NLK: variants seen among roughly 807,000 people sequenced by gnomAD.
NLK encodes the protein serine/threonine-protein kinase NLK.
In NLK, 11 loss-of-function variants were observed where a neutral mutation model predicts 59.0. That is an observed-to-expected ratio of 0.19 (90% confidence interval 0.12 to 0.31). The LOEUF is 0.31. Ranked by LOEUF, NLK falls within the 10% of genes least tolerant of loss-of-function variation. NLK has a pLI of 1.00. For synonymous variants in NLK, 235 were observed against 235.9 expected (o/e 1.00, Z 0.03); for missense variants, 410 against 661.1 (o/e 0.62, Z 4.16).
chr17:28,122,539 A>C, intron 1 of NLK, 64 bp from the exon 2 acceptor site: 1 of 1,562,724 alleles, frequency 6.4e-7, no homozygotes, highest in Non-Finnish European at 8.8e-7. Flanking sequence ...AAACATTGGA[A>C]AACAAGGTGT....
chr17:28,096,345 T>C (rs1418706193), intron 1 of NLK, among the ~76,000 whole-genome samples: 1 of 152,166 alleles, frequency 6.6e-6, no homozygotes, highest in African/African-American at 2.4e-5. Flanking sequence ...TAGTTTACCA[T>C]AGTTAAGCCA....
At chr17:28,103,275 C>CA (rs1182786167) in intron 1 of NLK, among the ~76,000 whole-genome samples, 1 of 152,078 alleles carries the variant, frequency 6.6e-6, no homozygotes, top group Non-Finnish European at 1.5e-5. Flanking sequence ...TTCCATAAGC[C>CA]AGCCACCATT....
At chr17:28,136,559 T>TG (rs1906754542) in intron 3 of NLK, among the ~76,000 whole-genome samples, 1 of 152,196 alleles carries the variant, frequency 6.6e-6, no homozygotes, top group African/African-American at 2.4e-5. Context: ...CTGCCTTCAC[T>TG]GCTGATTCTT....
In NLK at chr17:28,050,902, C is replaced by T. The variant is rs375857202; in HGVS notation, c.458+7571C>T. On this transcript the variant is annotated intron_variant, in intron 1 of 10. Transcript: ENST00000407008. ...GGCATATCACTTCAGCCCAAGAGTT[C>T]GAGACCAGCCTGGACAACATAGTGA... Among the ~76,000 whole-genome samples, 74 of 151,684 alleles carry T rather than the reference C, an allele frequency of 4.9e-4. 1 individual carries two copies. The highest frequency in any genetic ancestry group is 1.6e-3 in the African/African-American group (68 of 41,324).
chr17:28,166,437 G>A (rs1354040954), intron 5 of NLK, among the ~76,000 whole-genome samples: 1 of 152,044 alleles, frequency 6.6e-6, no homozygotes, highest in Non-Finnish European at 1.5e-5. Flanking sequence ...CAAAAATTGG[G>A]GGATAAATTT....
At chr17:28,119,062 C>T (rs1905906270) in intron 1 of NLK, among the ~76,000 whole-genome samples, 1 of 152,176 alleles carries the variant, frequency 6.6e-6, no homozygotes, top group Non-Finnish European at 1.5e-5. Flanking sequence ...ATCTCTACAG[C>T]TGGAGCTTCA....
intron 2 of NLK, among the ~76,000 whole-genome samples, chr17:28,131,421 T>C (rs1401499803): frequency 6.6e-6 from 1 of 151,806 alleles, no homozygotes; most frequent in Non-Finnish European, 1.5e-5. Context: ...ATACTGATTA[T>C]GGCTGAAATA....
chr17:28,198,595 G>T (rs376658027), downstream of NLK, among the ~76,000 whole-genome samples: 2 of 152,174 alleles, frequency 1.3e-5, no homozygotes, highest in East Asian at 3.8e-4. Flanking sequence ...AAAGTGCTGG[G>T]ATTACAGGCG....
chr17:28,193,452 A>C (rs1195686937), intron 10 of NLK, among the ~76,000 whole-genome samples: 1 of 152,172 alleles, frequency 6.6e-6, no homozygotes, highest in East Asian at 1.9e-4. Flanking sequence ...GACCAAAAAC[A>C]GGCACAACAA....
intron 1 of NLK, among the ~76,000 whole-genome samples, chr17:28,119,602 A>G (rs1905933284): frequency 6.6e-6 from 1 of 152,228 alleles, no homozygotes; most frequent in African/African-American, 2.4e-5. Context: ...TAACTGTTAA[A>G]GATATTAAAA....
chr17:28,080,990 A>G (rs1201087034), intron 1 of NLK, among the ~76,000 whole-genome samples: 1 of 151,232 alleles, frequency 6.6e-6, no homozygotes, highest in East Asian at 1.9e-4. Context: ...CCTGGGCTCA[A>G]TCGATCCACC....
downstream of NLK, among the ~76,000 whole-genome samples, chr17:28,201,014 GTCTAT>G (rs1555568106): frequency 6.6e-6 from 1 of 152,166 alleles, no homozygotes; most frequent in Non-Finnish European, 1.5e-5. Flanking sequence ...ATTTGCATGG[GTCTAT>G]TACTGTACTT....
chr17:28,164,971 T>C (rs750765996), intron 5 of NLK, among the ~76,000 whole-genome samples: 1 of 152,162 alleles, frequency 6.6e-6, no homozygotes, highest in Non-Finnish European at 1.5e-5. Context: ...CACCCTTATT[T>C]TAACTCAAGA....
At chr17:28,051,270 A>G (rs1294619435) in intron 1 of NLK, among the ~76,000 whole-genome samples, 1 of 151,660 alleles carries the variant, frequency 6.6e-6, no homozygotes, top group Non-Finnish European at 1.5e-5. Context: ...CAATTCTTCC[A>G]AATCTCATTT....
At chr17:28,186,442 G>GTTTT (rs1447889920) in intron 8 of NLK, among the ~76,000 whole-genome samples, 1 of 152,152 alleles carries the variant, frequency 6.6e-6, no homozygotes, top group East Asian at 1.9e-4. Context: ...TTTTGCTGTT[G>GTTTT]TTTTCTTTTT....
intron 1 of NLK, among the ~76,000 whole-genome samples, chr17:28,082,660 C>A (rs1003533291): frequency 1.3e-5 from 2 of 152,162 alleles, no homozygotes; most frequent in Non-Finnish European, 2.9e-5. Flanking sequence ...AACTGAAGAG[C>A]AGAATTTAAT....
intron 1 of NLK, among the ~76,000 whole-genome samples, chr17:28,101,681 T>C (rs1221523369): frequency 6.6e-6 from 1 of 152,212 alleles, no homozygotes; most frequent in East Asian, 1.9e-4. Context: ...AGTAGCTCTT[T>C]GTATGTTTCT....
intron 1 of NLK, among the ~76,000 whole-genome samples, chr17:28,096,875 G>A (rs1904719372): frequency 6.6e-6 from 1 of 152,178 alleles, no homozygotes; most frequent in Non-Finnish European, 1.5e-5. Context: ...TCGAAAATAA[G>A]AGGTGTATTC....
At chr17:28,203,855 G>A in the NLK span, among the ~76,000 whole-genome samples, 5 of 152,226 alleles carry the variant, frequency 3.3e-5, no homozygotes, top group African/African-American at 4.8e-5. Flanking sequence ...CTTTCTCGTC[G>A]CCCCAGTGCC....
Sources: allele counts gnomAD v4.1 joint callset (sites outside exome capture counted in the v4.1 genomes callset), GRCh38; gene constraint gnomAD v4.1.1; transcripts MANE v1.5; gene names NCBI Gene and HGNC (gene_info 2026-07-23, HGNC 2026-07-21).